The following INSYN2B variants were observed in gnomAD, a reference collection of about 807,000 sequenced individuals.
The protein encoded by INSYN2B is inhibitory synaptic factor family member 2B.
A neutral mutation model predicts 41.2 loss-of-function variants in INSYN2B; 16 were observed. That is an observed-to-expected ratio of 0.39 (90% CI 0.26 to 0.59). The LOEUF (loss-of-function observed/expected upper bound fraction) is 0.59. Ranked by LOEUF, INSYN2B falls within the 20% of genes least tolerant of loss-of-function variation. The pLI is 0.57. For synonymous variants in INSYN2B, 245 were observed against 244.4 expected, an observed-to-expected ratio of 1.00 and a Z score of -0.02; for missense variants, 608 against 646.4, an observed-to-expected ratio of 0.94 and a Z score of 0.64.
chr5:169,891,995 C>CAA (rs571918885), intron 1 of INSYN2B, among the ~76,000 whole-genome samples: 3 of 64,208 alleles, frequency 4.7e-5, no homozygotes, highest in Non-Finnish European at 6.2e-5. Context: ...GATTCCGTCC[C>CAA]AAAAAAAAAA....
chr5:169,969,565 T>A (rs1275170694), intron 1 of INSYN2B, among the ~76,000 whole-genome samples: 1 of 151,736 alleles, frequency 6.6e-6, no homozygotes, highest in Non-Finnish European at 1.5e-5. Flanking sequence ...TGTAGGAGAG[T>A]GGGGAGAATT....
intron 1 of INSYN2B, among the ~76,000 whole-genome samples, chr5:169,907,069 G>C (rs183054425): frequency 6.6e-6 from 1 of 152,280 alleles, no homozygotes; most frequent in African/African-American, 2.4e-5. Context: ...TAGGTGAAAA[G>C]ATGCCAAACA....
chr5:169,874,551 C>G (rs1048430207), intron 3 of INSYN2B, among the ~76,000 whole-genome samples: 3 of 152,036 alleles, frequency 2.0e-5, no homozygotes, highest in African/African-American at 7.2e-5. Context: ...GTGACCATAC[C>G]CCTATCCTGA....
chr5:169,872,585 C>T (rs1479142787), intron 3 of INSYN2B, among the ~76,000 whole-genome samples: 1 of 152,174 alleles, frequency 6.6e-6, no homozygotes, highest in Non-Finnish European at 1.5e-5. Flanking sequence ...TGGGATCAAG[C>T]TGCAGAAATC....
chr5:169,882,028 T>C (rs73801674), intron 2 of INSYN2B, among the ~76,000 whole-genome samples: 4,192 of 152,290 alleles, frequency 0.028, 178 homozygotes, highest in African/African-American at 0.089. Flanking sequence ...GCAAAATGAA[T>C]TGTGATCTCA....
intron 1 of INSYN2B, among the ~76,000 whole-genome samples, chr5:169,946,623 T>C (rs1348500859): frequency 6.6e-6 from 1 of 152,244 alleles, no homozygotes; most frequent in Admixed American, 6.5e-5. Flanking sequence ...GGACTCATTG[T>C]GTATCAGCCA....
chr5:169,897,546 T>C (rs2113564640), intron 1 of INSYN2B, among the ~76,000 whole-genome samples: 1 of 152,276 alleles, frequency 6.6e-6, no homozygotes, highest in Middle Eastern at 3.4e-3. Context: ...ATGGTCCCTT[T>C]AAAGACTTCA....
intron 3 of INSYN2B, among the ~76,000 whole-genome samples, chr5:169,874,123 A>G (rs1271397917): frequency 6.6e-6 from 1 of 152,166 alleles, no homozygotes; most frequent in East Asian, 1.9e-4. Context: ...TGATTAAAAT[A>G]AAAAAGCGGC....
chr5:169,927,575 C>T (rs909822537), intron 1 of INSYN2B, among the ~76,000 whole-genome samples: 4 of 152,104 alleles, frequency 2.6e-5, no homozygotes, highest in Admixed American at 1.3e-4. Context: ...AAAGATAATT[C>T]TAAAGGTACA....
intron 1 of INSYN2B, among the ~76,000 whole-genome samples, chr5:169,893,452 C>T (rs1561801895): frequency 6.8e-6 from 1 of 148,104 alleles, no homozygotes; most frequent in African/African-American, 2.5e-5. Flanking sequence ...TTGTTTTTCA[C>T]TACATAACTG....
chr5:169,914,650 T>C (rs542494384), intron 1 of INSYN2B, among the ~76,000 whole-genome samples: 1 of 152,342 alleles, frequency 6.6e-6, no homozygotes, highest in South Asian at 2.1e-4. Flanking sequence ...GAAAACAACC[T>C]GGATTTCTGG....
chr5:169,967,820 C>A (rs1777358189), intron 1 of INSYN2B, among the ~76,000 whole-genome samples: 1 of 151,890 alleles, frequency 6.6e-6, no homozygotes, highest in African/African-American at 2.4e-5. Context: ...AGACAAATTT[C>A]TTTTCTTTCA....
chr5:169,904,772 T>C (rs941767061), intron 1 of INSYN2B, among the ~76,000 whole-genome samples: 1 of 152,144 alleles, frequency 6.6e-6, no homozygotes, highest in Admixed American at 6.5e-5. Context: ...AGTGACACTG[T>C]ATGGAGCTAA....
chr5:169,865,258 T>G (rs1031714508), intron 3 of INSYN2B, among the ~76,000 whole-genome samples: 6 of 152,224 alleles, frequency 3.9e-5, no homozygotes, highest in Non-Finnish European at 8.8e-5. Flanking sequence ...CCCGTGCTGA[T>G]TATCACAAAC....
intron 1 of INSYN2B, among the ~76,000 whole-genome samples, chr5:169,966,847 A>G (rs552614465): frequency 5.3e-5 from 8 of 152,206 alleles, no homozygotes; most frequent in Non-Finnish European, 1.2e-4. Context: ...CTTTCCACAC[A>G]GATCAGACTT....
chr5:169,896,044 C>A (rs568834668), intron 1 of INSYN2B, among the ~76,000 whole-genome samples: 7 of 152,158 alleles, frequency 4.6e-5, no homozygotes, highest in Admixed American at 2.6e-4. Context: ...TCTGGGCCAA[C>A]GACCAGGACA....
At chr5:169,927,199 C>T (rs1775503541) in intron 1 of INSYN2B, among the ~76,000 whole-genome samples, 1 of 152,076 alleles carries the variant, frequency 6.6e-6, no homozygotes, top group Non-Finnish European at 1.5e-5. Flanking sequence ...AAAAAAGGCC[C>T]CTGGCTGGAG....
chr5:169,974,102 C>T (rs891349230), intron 1 of INSYN2B, among the ~76,000 whole-genome samples: 19 of 152,122 alleles, frequency 1.2e-4, no homozygotes, highest in African/African-American at 4.6e-4. Flanking sequence ...AAATGATAGC[C>T]TCCTTTTTTT....
intron 1 of INSYN2B, among the ~76,000 whole-genome samples, chr5:169,971,861 T>C (rs1356520467): frequency 2.0e-5 from 3 of 152,202 alleles, no homozygotes; most frequent in African/African-American, 7.2e-5. Flanking sequence ...GAACTTCTGC[T>C]GTACCCAGGC....
Sources: allele counts gnomAD v4.1 joint callset (sites outside exome capture counted in the v4.1 genomes callset), GRCh38; gene constraint gnomAD v4.1.1; transcripts MANE v1.5; gene names NCBI Gene and HGNC (gene_info 2026-07-23, HGNC 2026-07-21).